The following ANK1 variants were observed in gnomAD, a reference collection of about 807,000 sequenced individuals.
ANK1 encodes the protein ankyrin-1.
A neutral mutation model predicts 210.4 loss-of-function variants in ANK1; 51 were observed. The observed-to-expected ratio is 0.24, with a 90% CI of 0.19 to 0.31. The LOEUF is 0.31. Among genes scored for constraint, ANK1 ranks in the 10% least tolerant of loss-of-function variants. The pLI is 1.00. For synonymous variants in ANK1, 967 were observed against 1,025.9 expected, an observed-to-expected ratio of 0.94 and a Z score of 1.10; for missense variants, 2,051 against 2,504.4, an observed-to-expected ratio of 0.82 and a Z score of 3.86.
At chr8:41,791,208 T>G (rs1026041936) in intron 1 of ANK1, among the ~76,000 whole-genome samples, 67 of 139,334 alleles carry the variant, frequency 4.8e-4, no homozygotes, top group South Asian at 1.3e-3. Flanking sequence ...TTTTTTTTTT[T>G]TTTTTTTTTT....
chr8:41,696,885 G>T, intron 24 of ANK1, 112 bp from the exon 25 acceptor site: 1 of 1,041,598 alleles, frequency 9.6e-7, no homozygotes, highest in Non-Finnish European at 1.4e-6. Flanking sequence ...GGTGCCACGT[G>T]GAGAAAGTGC....
intron 1 of ANK1, among the ~76,000 whole-genome samples, chr8:41,780,768 G>A (rs559312284): frequency 6.6e-6 from 1 of 152,224 alleles, no homozygotes; most frequent in African/African-American, 2.4e-5. Context: ...GCATGTATGA[G>A]TTTGTATTTG....
chr8:41,733,689 A>C (rs1266870079), intron 3 of ANK1, among the ~76,000 whole-genome samples: 2 of 152,192 alleles, frequency 1.3e-5, no homozygotes, highest in African/African-American at 4.8e-5. Context: ...GCCCTTGGAC[A>C]CTGAGTTCGA....
At position 41,686,214 on chromosome 8, in the gene ANK1, A is replaced by G; in HGVS notation, c.4328T>C (p.Leu1443Pro). 1 of 1,614,220 alleles carries G rather than the reference A, an allele frequency of 6.2e-7. No homozygotes were observed. The highest frequency in any genetic ancestry group is 8.5e-7 in the Non-Finnish European group (1 of 1,180,040). The part of the protein sequence containing the change: ...NRIRVENPNS[L>P]LEQSVALLNL... ...CAGCAAGGCCACACTCTGCTCCAAC[A>G]GGGAGTTGGGATTTTCCACTCGGAT... Residue 1443 changes from leucine (L) to proline (P), a missense_variant, in exon 36 of 43, where the codon CTG (leucine) becomes CCG (proline). This residue lies in a region of ANK1 where 39 missense variants were observed against 75.1 expected (regional missense o/e 0.52). Coordinates refer to ENST00000289734, the MANE Select transcript of ANK1 (RefSeq NM_000037.4).
At chr8:41,703,446 A>ATT (rs1465782716) in intron 20 of ANK1, among the ~76,000 whole-genome samples, 4 of 61,580 alleles carry the variant, frequency 6.5e-5, no homozygotes, top group African/African-American at 2.6e-4. Context: ...ATATATATAT[A>ATT]TATATTTTTT....
At chr8:41,866,369 T>G (rs1199980884) in intron 1 of ANK1, among the ~76,000 whole-genome samples, 1 of 152,204 alleles carries the variant, frequency 6.6e-6, no homozygotes. Flanking sequence ...TTATTTTTTA[T>G]TTTTTGTAGA....
intron 1 of ANK1, among the ~76,000 whole-genome samples, chr8:41,894,466 G>A (rs185299694): frequency 5.9e-5 from 9 of 152,140 alleles, no homozygotes; most frequent in East Asian, 3.9e-4. Flanking sequence ...TGAAATCACC[G>A]CTTTCACATG....
intron 42 of ANK1, among the ~76,000 whole-genome samples, chr8:41,656,023 C>T (rs1805571808): frequency 6.6e-6 from 1 of 152,238 alleles, no homozygotes. Context: ...GCAAGTGTTC[C>T]AGGATGCCTC....
At position 41,864,467 on chromosome 8, in the gene ANK1, GC is replaced by G. The variant is rs566554875; in HGVS notation, c.126+31887del. On this transcript the variant is annotated intron_variant, in intron 1 of 42. Transcript: ENST00000265709. ...CTCCTGCCCACCACGAGAGCTGCTG[GC>G]CGCGTGCTGAGTCCTCCCCACTCTC... is the stretch of plus-strand genomic sequence containing the variant. Among the ~76,000 whole-genome samples, 50 of 152,192 alleles carry G rather than the reference GC, an allele frequency of 3.3e-4. 2 individuals carry two copies. The South Asian group carries it at 8.3e-3, about 25-fold the overall frequency.
At chr8:41,735,409 G>GTCC (rs369032749) in intron 2 of ANK1, among the ~76,000 whole-genome samples, 1 of 151,970 alleles carries the variant, frequency 6.6e-6, no homozygotes, top group Non-Finnish European at 1.5e-5. Context: ...TTCCCCTCCT[G>GTCC]TCCTCCTCCT....
chr8:41,662,383 G>A (rs1264812044), intron 40 of ANK1, among the ~76,000 whole-genome samples: 1 of 152,236 alleles, frequency 6.6e-6, no homozygotes, highest in African/African-American at 2.4e-5. Context: ...AGGCCAAGAA[G>A]AGGGACAGCC....
chr8:41,790,667 T>C (rs1194457079), intron 1 of ANK1, among the ~76,000 whole-genome samples: 1 of 152,028 alleles, frequency 6.6e-6, no homozygotes, highest in Non-Finnish European at 1.5e-5. Context: ...CAACTCGAGA[T>C]CCTATTATAC....
At chr8:41,837,983 G>A (rs1455054563) in intron 1 of ANK1, among the ~76,000 whole-genome samples, 1 of 152,188 alleles carries the variant, frequency 6.6e-6, no homozygotes, top group East Asian at 1.9e-4. Context: ...TAGAGGAGGG[G>A]TAACTGGACC....
chr8:41,765,907 A>G (rs951460799), intron 1 of ANK1, among the ~76,000 whole-genome samples: 1 of 152,304 alleles, frequency 6.6e-6, no homozygotes, highest in East Asian at 1.9e-4. Flanking sequence ...ACCAGCAGGC[A>G]GACCCAGGTG....
At chr8:41,870,218 C>T (rs10111604) in intron 1 of ANK1, among the ~76,000 whole-genome samples, 30,459 of 151,738 alleles carry the variant, frequency 0.2, 4,566 homozygotes, top group East Asian at 0.41. Flanking sequence ...ACCAAATGCC[C>T]GAGATTATGC....
At chr8:41,673,991 G>A (rs537343462) in intron 37 of ANK1, among the ~76,000 whole-genome samples, 1 of 152,208 alleles carries the variant, frequency 6.6e-6, no homozygotes, top group East Asian at 1.9e-4. Context: ...GACACCCCCA[G>A]CCTAGAGTTC....
Position 41,655,633 on chromosome 8 carries a change from G to T in ANK1, c.*157C>A. The T allele has an allele frequency of 6.8e-7, 1 of 1,479,678 alleles. No individual in the cohort carries two copies. Among genetic ancestry groups the T allele is most frequent in the Non-Finnish European group, 9.4e-7 (1 of 1,061,222 alleles). The allele number at this position is 1,479,678 out of a possible 1,614,324, so 91.7% of individuals were successfully genotyped here. ...AGGGGACTAGCAGGAGTCCCTTACA[G>T]AGGTCATGCCGTCAGCCCAGAGGAA... On this transcript the variant is annotated 3_prime_UTR_variant, in exon 43 of 43. Transcript: ENST00000289734.
chr8:41,682,179 G>A (rs541607660), intron 37 of ANK1, among the ~76,000 whole-genome samples: 1 of 151,564 alleles, frequency 6.6e-6, no homozygotes, highest in African/African-American at 2.4e-5. Context: ...CTCTCCCACT[G>A]TCCCTTTGCC....
intron 40 of ANK1, 63 bp downstream of exon 40, chr8:41,663,587 TGGCTTCTAC>T: frequency 6.8e-7 from 1 of 1,467,224 alleles, no homozygotes; most frequent in Non-Finnish European, 9.5e-7. Flanking sequence ...GAGAAGCCAC[TGGCTTCTAC>T]CACCTTTTAG....
Sources: allele counts gnomAD v4.1 joint callset (sites outside exome capture counted in the v4.1 genomes callset), GRCh38; gene constraint gnomAD v4.1.1; regional missense constraint gnomAD v4.1.1; transcripts MANE v1.5; gene names NCBI Gene and HGNC (gene_info 2026-07-23, HGNC 2026-07-21).